CFTR: variants seen among roughly 807,000 people sequenced by gnomAD.
CFTR encodes cystic fibrosis transmembrane conductance regulator.
CFTR carries 181 observed loss-of-function variants against 171.6 expected under a neutral mutation model. That is an observed-to-expected ratio of 1.05 (90% CI 0.93 to 1.19). CFTR has a LOEUF of 1.19. Among genes scored for constraint, CFTR ranks in the 50% most tolerant of loss-of-function variants. The probability of loss-of-function intolerance (pLI) is 0.00; values close to 1 mark genes in which losing one functional copy is unlikely to be tolerated. For missense variants in CFTR, 1,968 were observed against 1,734.7 expected, an observed-to-expected ratio of 1.13 and a Z score of -2.39; for synonymous variants, 583 against 608.0, an observed-to-expected ratio of 0.96 and a Z score of 0.60.
chr7:117,552,754 A>G (rs1289726804), intron 10 of CFTR, among the ~76,000 whole-genome samples: 2 of 151,930 alleles, frequency 1.3e-5, no homozygotes, highest in African/African-American at 4.8e-5. Flanking sequence ...CTCTCTTTTT[A>G]TGTAACAATA....
rs1025401020 is a variant in CFTR at position 117,531,162 on chromosome 7, A to G, written c.489+48A>G. On this transcript the variant is annotated intron_variant, in intron 4 of 26. Coordinates refer to ENST00000003084, the MANE Select transcript of CFTR (RefSeq NM_000492.4). ...CCATGGCACATATATTCTGTATCGT[A>G]CATGTTTTAATGTCATAAATTAGGT... The G allele has an allele frequency of 2.1e-6, 3 of 1,427,010 alleles. No individual in the cohort carries two copies. The Admixed American group carries it at 5.5e-5, about 26-fold the overall frequency. The allele number at this position is 1,427,010 out of a possible 1,614,324, so 88.4% of individuals were successfully genotyped here. A position where few individuals can be genotyped will look rare whatever the true frequency, so the allele number is the denominator to read the frequency against.
chr7:117,634,161 A>G (rs1792791924), intron 22 of CFTR, among the ~76,000 whole-genome samples: 2 of 152,136 alleles, frequency 1.3e-5, no homozygotes, highest in South Asian at 4.1e-4. Context: ...TTATTTTAAA[A>G]TAGATATAGG....
chr7:117,496,459 A>G (rs1478437737), intron 1 of CFTR, among the ~76,000 whole-genome samples: 1 of 152,096 alleles, frequency 6.6e-6, no homozygotes, highest in African/African-American at 2.4e-5. Context: ...CTCCCACAGC[A>G]TCCTAAAGTG....
intron 1 of CFTR, among the ~76,000 whole-genome samples, chr7:117,496,978 G>C (rs1255699421): frequency 6.7e-6 from 1 of 149,464 alleles, no homozygotes; most frequent in African/African-American, 2.5e-5. Context: ...GGTGTCCTTT[G>C]AAGCACAAAA....
At chr7:117,661,647 TG>T (rs1793283666) in intron 24 of CFTR, among the ~76,000 whole-genome samples, 1 of 152,178 alleles carries the variant, frequency 6.6e-6, no homozygotes, top group Admixed American at 6.5e-5. Flanking sequence ...ACAAAGCTGT[TG>T]TCACACAAAG....
At chr7:117,632,872 A>G (rs549137521) in intron 22 of CFTR, among the ~76,000 whole-genome samples, 1 of 152,340 alleles carries the variant, frequency 6.6e-6, no homozygotes, top group East Asian at 1.9e-4. Flanking sequence ...GAGTTGGGAA[A>G]CTGAAGGTAT....
intron 23 of CFTR, among the ~76,000 whole-genome samples, chr7:117,644,282 G>A (rs190425313): frequency 6.6e-6 from 1 of 152,212 alleles, no homozygotes; most frequent in African/African-American, 2.4e-5. Context: ...TGAACATTAT[G>A]TGAATGTCCA....
chr7:117,595,391 A>C (rs1792104091), intron 15 of CFTR, among the ~76,000 whole-genome samples: 1 of 150,484 alleles, frequency 6.6e-6, no homozygotes, highest in Admixed American at 6.6e-5. Context: ...GATTTTTAAT[A>C]ATAAAGGTTA....
intron 3 of CFTR, among the ~76,000 whole-genome samples, chr7:117,523,502 G>T (rs1798717665): frequency 6.6e-6 from 1 of 151,384 alleles, no homozygotes; most frequent in Non-Finnish European, 1.5e-5. Flanking sequence ...TCAGCCTCCC[G>T]AGTAGCTAGG....
intron 10 of CFTR, among the ~76,000 whole-genome samples, chr7:117,555,023 A>G (rs1734490671): frequency 4.6e-5 from 7 of 152,182 alleles, no homozygotes; most frequent in Admixed American, 2.0e-4. Flanking sequence ...CTTGAACTGC[A>G]TGGGTCCACT....
intron 10 of CFTR, among the ~76,000 whole-genome samples, chr7:117,558,501 C>A (rs1799398491): frequency 1.3e-5 from 2 of 151,678 alleles, no homozygotes; most frequent in Admixed American, 6.6e-5. Context: ...TTGCAGTGAG[C>A]CGAGATCGCG....
intron 11 of CFTR, among the ~76,000 whole-genome samples, chr7:117,584,681 A>G (rs1791903287): frequency 1.3e-5 from 2 of 152,024 alleles, no homozygotes; most frequent in Admixed American, 6.6e-5. Flanking sequence ...TATGAATTTT[A>G]GGATTTTTTT....
chr7:117,530,116 T>G (rs1798835063), intron 3 of CFTR, among the ~76,000 whole-genome samples: 1 of 152,132 alleles, frequency 6.6e-6, no homozygotes, highest in South Asian at 2.1e-4. Context: ...ATGAGGTATA[T>G]TTGGGAAAAC....
chr7:117,590,469 G>A (rs1255726919), intron 13 of CFTR, 30 bp downstream of exon 13: 9 of 1,586,980 alleles, frequency 5.7e-6, no homozygotes, highest in Admixed American at 3.4e-5. Flanking sequence ...TACTTATAAT[G>A]CTCATGCTAA....
rs752025931 is a variant in CFTR, at chr7:117,501,484, G to A, written c.54-2769G>A. 4.0e-5 allele frequency among the ~76,000 whole-genome samples: 6 copies of A among 151,536 alleles called. 1 individual carries two copies. The Middle Eastern group carries it at 0.01, about 258-fold the overall frequency. ...AAGTTGGCTGGGCGCACTGGCTCAC[G>A]TCTGTAATCCCAGCACTTTGGGAGA... is the stretch of plus-strand genomic sequence containing the variant. On this transcript the variant is annotated intron_variant, in intron 1 of 26. Coordinates refer to ENST00000003084, the MANE Select transcript of CFTR (RefSeq NM_000492.4).
chr7:117,513,102 A>G (rs1300701538), intron 3 of CFTR, among the ~76,000 whole-genome samples: 3 of 152,172 alleles, frequency 2.0e-5, no homozygotes, highest in Non-Finnish European at 4.4e-5. Context: ...TTGCTGAAAT[A>G]TTACTGACAG....
intron 3 of CFTR, among the ~76,000 whole-genome samples, chr7:117,512,268 A>G (rs1045167496): frequency 3.3e-5 from 5 of 152,170 alleles, no homozygotes; most frequent in East Asian, 1.9e-4. Flanking sequence ...ACCATTAACT[A>G]TGCACTTGCT....
chr7:117,490,239 T>G (rs1415282633), intron 1 of CFTR, among the ~76,000 whole-genome samples: 1 of 151,472 alleles, frequency 6.6e-6, no homozygotes, highest in African/African-American at 2.4e-5. Context: ...ACAGTATTAT[T>G]ATGATATCAA....
chr7:117,658,462 T>C (rs1359215187), intron 24 of CFTR, among the ~76,000 whole-genome samples: 1 of 152,198 alleles, frequency 6.6e-6, no homozygotes, highest in Non-Finnish European at 1.5e-5. Flanking sequence ...TTAGTTTCCC[T>C]GGGAAATTTC....
Sources: gnomAD v4.1 joint callset for allele counts (sites outside exome capture counted in the v4.1 genomes callset) on GRCh38, gnomAD v4.1.1 for gene constraint, MANE v1.5 for transcripts, NCBI Gene and HGNC (gene_info 2026-07-23, HGNC 2026-07-21) for gene names.